The following ZNF804A variants were observed in gnomAD, a reference collection of about 807,000 sequenced individuals.
The protein encoded by ZNF804A is zinc finger protein 804A.
Under a neutral mutation model 16.5 loss-of-function variants are expected in ZNF804A, and 2 were observed. The observed-to-expected ratio is 0.12, with a 90% confidence interval of 0.05 to 0.38. ZNF804A has a LOEUF of 0.38. Among genes scored for constraint, ZNF804A ranks in the 10% least tolerant of loss-of-function variants. ZNF804A has a pLI of 0.99. For synonymous variants in ZNF804A, 534 were observed against 489.6 expected (o/e 1.09, Z -1.20); for missense variants, 1,473 against 1,390.7 (o/e 1.06, Z -0.94).
At chr2:184,810,513 C>T (rs1694877580) in intron 1 of ZNF804A, among the ~76,000 whole-genome samples, 1 of 103,084 alleles carries the variant, frequency 9.7e-6, no homozygotes, top group Non-Finnish European at 1.8e-5. Context: ...TTTTTTGAGA[C>T]GGAGTCTCAC....
intron 1 of ZNF804A, among the ~76,000 whole-genome samples, chr2:184,712,406 T>C (rs1366614470): frequency 2.0e-5 from 3 of 151,748 alleles, no homozygotes; most frequent in African/African-American, 4.8e-5. Context: ...GATAGTCTTA[T>C]TGAAGCTCTC....
chr2:184,703,709 A>AGAAAG (rs796358066), intron 1 of ZNF804A, among the ~76,000 whole-genome samples: 100 of 131,418 alleles, frequency 7.6e-4, no homozygotes, highest in Non-Finnish European at 1.4e-3. Flanking sequence ...AAAAAAAAAA[A>AGAAAG]AAAGAAAGAA....
At chr2:184,643,191 C>T (rs550016276) in intron 1 of ZNF804A, among the ~76,000 whole-genome samples, 216 of 151,998 alleles carry the variant, frequency 1.4e-3, no homozygotes, top group African/African-American at 4.9e-3. Flanking sequence ...ATATTTATTA[C>T]TTTTCTTTTT....
chr2:184,813,237 TA>T (rs750850682), intron 1 of ZNF804A, among the ~76,000 whole-genome samples: 212 of 151,292 alleles, frequency 1.4e-3, no homozygotes, highest in African/African-American at 4.7e-3. Context: ...CTATGATAAT[TA>T]AAAAAAAAGT....
intron 1 of ZNF804A, among the ~76,000 whole-genome samples, chr2:184,625,211 G>T (rs2105682650): frequency 6.6e-6 from 1 of 152,158 alleles, no homozygotes; most frequent in South Asian, 2.1e-4. Flanking sequence ...TTTCAGTAAT[G>T]CAGCATGTGA....
intron 1 of ZNF804A, among the ~76,000 whole-genome samples, chr2:184,691,849 G>T (rs997528256): frequency 2.6e-5 from 4 of 151,862 alleles, no homozygotes; most frequent in African/African-American, 9.7e-5. Flanking sequence ...AGAGCACAGT[G>T]ATCCCAGAAA....
At chr2:184,664,241 G>A (rs1692223000) in intron 1 of ZNF804A, among the ~76,000 whole-genome samples, 1 of 151,904 alleles carries the variant, frequency 6.6e-6, no homozygotes, top group Admixed American at 6.6e-5. Flanking sequence ...GTAAATCAAT[G>A]GAAATAAATA....
chr2:184,714,726 C>T (rs1299136829), intron 1 of ZNF804A, among the ~76,000 whole-genome samples: 2 of 152,116 alleles, frequency 1.3e-5, no homozygotes, highest in Non-Finnish European at 2.9e-5. Flanking sequence ...ATATTTTCCT[C>T]TCTAGATCAC....
chr2:184,907,433 G>A (rs1007012765), intron 2 of ZNF804A, among the ~76,000 whole-genome samples: 94 of 151,998 alleles, frequency 6.2e-4, no homozygotes, highest in African/African-American at 2.2e-3. Context: ...ATCATTTCTT[G>A]GGAATATGCC....
intron 1 of ZNF804A, among the ~76,000 whole-genome samples, chr2:184,737,657 A>G (rs967977232): frequency 2.0e-5 from 3 of 152,152 alleles, no homozygotes; most frequent in Non-Finnish European, 4.4e-5. Context: ...ATATTTGTCT[A>G]TGCCATTCAT....
rs1016008396 is a variant in ZNF804A, at chr2:184,936,487, A to C, written c.1091A>C (p.Asp364Ala). The C allele has an allele frequency of 3.1e-6, 5 of 1,613,914 alleles. No homozygotes were observed. The highest frequency in any genetic ancestry group is 4.2e-6 in the Non-Finnish European group (5 of 1,179,936). ...TTAGGAAATAAATCCACAGTTCTTG[A>C]CATGTCTAATGATTGCATATCTGTG... Reference protein sequence around the residue: ...ELLGNKSTVLDMSNDCISVQA... With the variant: ...ELLGNKSTVLAMSNDCISVQA... The change falls in exon 4 of 4, where the codon GAC (aspartate) becomes GCC (alanine). Residue 364 changes from aspartate to alanine, a missense_variant. Transcript: ENST00000302277.
intron 1 of ZNF804A, among the ~76,000 whole-genome samples, chr2:184,731,856 G>A (rs1053785693): frequency 2.0e-5 from 3 of 152,114 alleles, no homozygotes; most frequent in African/African-American, 7.2e-5. Flanking sequence ...GATTACAGAT[G>A]TGAATCAAAA....
At chr2:184,894,693 T>G (rs1193155495) in intron 2 of ZNF804A, among the ~76,000 whole-genome samples, 1 of 152,144 alleles carries the variant, frequency 6.6e-6, no homozygotes, top group East Asian at 1.9e-4. Flanking sequence ...AATATTCTTT[T>G]TTATTTGTTT....
intron 1 of ZNF804A, among the ~76,000 whole-genome samples, chr2:184,719,066 A>T (rs1693260127): frequency 6.6e-6 from 1 of 152,158 alleles, no homozygotes; most frequent in South Asian, 2.1e-4. Context: ...ACATCTTCTG[A>T]AAACTAGCTG....
At position 184,625,411 on chromosome 2, in the gene ZNF804A, T is replaced by C. The variant is rs534304503; in HGVS notation, c.111+26341T>C. 1.6e-4 allele frequency among the ~76,000 whole-genome samples: 24 copies of C among 152,262 alleles called. No homozygotes were observed. In the East Asian group the frequency reaches 4.6e-3, roughly 29 times the overall value. On this transcript the variant is annotated intron_variant, in intron 1 of 3. Coordinates refer to ENST00000302277, the MANE Select transcript of ZNF804A (RefSeq NM_194250.2). ...ACATTATTATATAAGTATAATTTTA[T>C]GTCTAGATAGATAAAGAGTAGGTAG...
At chr2:184,865,883 T>C (rs1448377353) in intron 1 of ZNF804A, among the ~76,000 whole-genome samples, 1 of 152,142 alleles carries the variant, frequency 6.6e-6, no homozygotes, top group Non-Finnish European at 1.5e-5. Flanking sequence ...AATGCCTAGA[T>C]GGAATGAATA....
chr2:184,868,967 G>A (rs1043076754), intron 2 of ZNF804A, among the ~76,000 whole-genome samples: 1 of 152,006 alleles, frequency 6.6e-6, no homozygotes, highest in African/African-American at 2.4e-5. Flanking sequence ...TACAGGTTGA[G>A]TATATCTAAT....
intron 1 of ZNF804A, among the ~76,000 whole-genome samples, chr2:184,609,109 T>C (rs1385534085): frequency 1.3e-5 from 2 of 152,186 alleles, no homozygotes; most frequent in East Asian, 3.9e-4. Context: ...CCTAGCCATA[T>C]GGAGAATAAA....
At chr2:184,855,655 G>C (rs1028097227) in intron 1 of ZNF804A, among the ~76,000 whole-genome samples, 3 of 151,030 alleles carry the variant, frequency 2.0e-5, no homozygotes, top group Non-Finnish European at 3.0e-5. Flanking sequence ...GCACTTTCTT[G>C]AACAACACAC....
Sources: allele counts gnomAD v4.1 joint callset (sites outside exome capture counted in the v4.1 genomes callset), GRCh38; gene constraint gnomAD v4.1.1; transcripts MANE v1.5; gene names NCBI Gene and HGNC (gene_info 2026-07-23, HGNC 2026-07-21).